The following SMOC2 variants were observed in gnomAD, a reference collection of about 807,000 sequenced individuals.
SMOC2 encodes the protein SPARC related modular calcium binding 2, also known as SPARC-related modular calcium-binding protein 2.
A neutral mutation model predicts 61.4 loss-of-function variants in SMOC2; 39 were observed. The ratio of observed to expected loss-of-function variants is 0.64; its 90% CI spans 0.49 to 0.83. The LOEUF (loss-of-function observed/expected upper bound fraction) is 0.83. Ranked by LOEUF, SMOC2 falls within the 40% of genes least tolerant of loss-of-function variation. The pLI, the probability that SMOC2 is intolerant of heterozygous loss-of-function variation, is 0.00. For synonymous variants in SMOC2, 247 were observed against 239.9 expected (o/e 1.03, Z -0.27); for missense variants, 556 against 592.9 (o/e 0.94, Z 0.65).
chr6:168,483,190 TACAC>T (rs748995842), intron 1 of SMOC2, among the ~76,000 whole-genome samples: 6 of 150,938 alleles, frequency 4.0e-5, no homozygotes, highest in African/African-American at 1.5e-4. Flanking sequence ...TACACACACA[TACAC>T]ACACACACAC....
chr6:168,463,962 A>G lies in SMOC2; in HGVS notation c.84+22508A>G, dbSNP rs9455650. On this transcript the variant is annotated intron_variant, in intron 1 of 12. Transcript: ENST00000356284. The stretch of plus-strand genomic sequence containing the variant: ...TCCCAACACTCTGGGAGGCCTAGGC[A>G]GGTGGATCACTTAAGCCCAGGAGTT... 4.5e-3 allele frequency among the ~76,000 whole-genome samples: 688 copies of G among 152,228 alleles called. 7 individuals are homozygous for G. Among genetic ancestry groups the G allele is most frequent in the African/African-American group, 0.015 (604 of 41,528 alleles).
intron 7 of SMOC2, among the ~76,000 whole-genome samples, chr6:168,581,091 A>G (rs985238631): frequency 1.2e-4 from 19 of 152,132 alleles, no homozygotes; most frequent in Non-Finnish European, 2.6e-4. Context: ...CATATGAAGA[A>G]TTTTATTCCA....
chr6:168,657,653 C>T (rs1787361145), intron 11 of SMOC2, among the ~76,000 whole-genome samples: 3 of 152,128 alleles, frequency 2.0e-5, no homozygotes, highest in Admixed American at 2.0e-4. Flanking sequence ...GATGGGATAC[C>T]TTATGAACAC....
chr6:168,612,921 C>G (rs1417278516), intron 9 of SMOC2, among the ~76,000 whole-genome samples: 4 of 152,304 alleles, frequency 2.6e-5, no homozygotes, highest in Non-Finnish European at 5.9e-5. Flanking sequence ...AGACTTTGAT[C>G]TAAAGTGAAG....
At chr6:168,529,498 A>C (rs1048378812) in intron 4 of SMOC2, among the ~76,000 whole-genome samples, 3 of 152,210 alleles carry the variant, frequency 2.0e-5, no homozygotes, top group Admixed American at 6.5e-5. Flanking sequence ...TGTTCGGTGC[A>C]ACTAGTATAT....
intron 1 of SMOC2, among the ~76,000 whole-genome samples, chr6:168,460,900 C>G (rs201380107): frequency 2.0e-5 from 3 of 152,032 alleles, no homozygotes; most frequent in Admixed American, 6.6e-5. Flanking sequence ...TAATCACTAT[C>G]AAACTGGGTC....
intron 4 of SMOC2, among the ~76,000 whole-genome samples, chr6:168,532,948 G>A (rs1262273462): frequency 1.3e-5 from 2 of 152,142 alleles, no homozygotes; most frequent in African/African-American, 4.8e-5. Flanking sequence ...CCATTGCATG[G>A]GGAAGAAGAC....
At chr6:168,527,959 C>T (rs1437080963) in intron 4 of SMOC2, among the ~76,000 whole-genome samples, 1 of 152,218 alleles carries the variant, frequency 6.6e-6, no homozygotes, top group East Asian at 1.9e-4. Flanking sequence ...GGCTGGAGGC[C>T]AGCTTACTAA....
At chr6:168,615,285 G>A (rs1786042998) in intron 9 of SMOC2, among the ~76,000 whole-genome samples, 1 of 84,828 alleles carries the variant, frequency 1.2e-5, no homozygotes, top group Non-Finnish European at 2.4e-5. Context: ...AGCCAGCATG[G>A]GGCCTCTTCA....
intron 1 of SMOC2, among the ~76,000 whole-genome samples, chr6:168,479,532 C>A (rs148534255): frequency 6.6e-6 from 1 of 152,096 alleles, no homozygotes; most frequent in Non-Finnish European, 1.5e-5. Flanking sequence ...TGAAAGTTTG[C>A]GGTTTCTAGG....
chr6:168,458,357 C>T (rs928045309), intron 1 of SMOC2, among the ~76,000 whole-genome samples: 6 of 150,284 alleles, frequency 4.0e-5, no homozygotes, highest in Non-Finnish European at 7.4e-5. Flanking sequence ...GGGAGGGAGA[C>T]GGTCTCACCC....
At chr6:168,519,058 TATG>T in intron 2 of SMOC2, among the ~76,000 whole-genome samples, 1 of 150,482 alleles carries the variant, frequency 6.6e-6, no homozygotes, top group Non-Finnish European at 1.5e-5. Context: ...TGAGCATGCA[TATG>T]TGTGTGAGTG....
At chr6:168,541,053 C>T (rs905614892) in intron 4 of SMOC2, among the ~76,000 whole-genome samples, 5 of 152,228 alleles carry the variant, frequency 3.3e-5, no homozygotes, top group Non-Finnish European at 5.9e-5. Context: ...GGATTTGAAC[C>T]AAGTGCTCAG....
intron 1 of SMOC2, among the ~76,000 whole-genome samples, chr6:168,465,190 A>G (rs1781800519): frequency 1.3e-5 from 2 of 152,256 alleles, no homozygotes; most frequent in South Asian, 4.1e-4. Context: ...TAACAACAAA[A>G]TGAATCTCTT....
intron 7 of SMOC2, among the ~76,000 whole-genome samples, chr6:168,573,119 G>A (rs1784709319): frequency 3.6e-5 from 1 of 27,662 alleles, no homozygotes; most frequent in East Asian, 1.3e-3. Context: ...CCACATCCCC[G>A]GGTGCTGGGA....
intron 7 of SMOC2, among the ~76,000 whole-genome samples, chr6:168,588,284 C>A (rs1346442015): frequency 6.6e-6 from 1 of 151,808 alleles, no homozygotes; most frequent in Non-Finnish European, 1.5e-5. Context: ...CCACCACACC[C>A]AGCTAATTTT....
intron 9 of SMOC2, among the ~76,000 whole-genome samples, chr6:168,610,204 C>T (rs192180356): frequency 6.4e-4 from 98 of 152,254 alleles, no homozygotes; most frequent in South Asian, 2.1e-4. Context: ...TCTGCTAAAA[C>T]AGGAGGAGAA....
At chr6:168,612,067 T>C (rs2115210748) in intron 9 of SMOC2, among the ~76,000 whole-genome samples, 1 of 152,352 alleles carries the variant, frequency 6.6e-6, no homozygotes, top group Non-Finnish European at 1.5e-5. Context: ...ACTTTTTGGC[T>C]AAGTGATACT....
chr6:168,626,727 G>A (rs1786420301), intron 9 of SMOC2, among the ~76,000 whole-genome samples: 1 of 152,210 alleles, frequency 6.6e-6, no homozygotes, highest in Admixed American at 6.5e-5. Flanking sequence ...GTGTTTAACG[G>A]CCTGTGTATC....
Sources: gnomAD v4.1 joint callset for allele counts (sites outside exome capture counted in the v4.1 genomes callset) on GRCh38, gnomAD v4.1.1 for gene constraint, MANE v1.5 for transcripts, NCBI Gene and HGNC (gene_info 2026-07-23, HGNC 2026-07-21) for gene names.